The following SRRM4 variants were observed in gnomAD, a reference collection of about 807,000 sequenced individuals.
SRRM4 encodes serine/arginine repetitive matrix 4.
In SRRM4, 33 loss-of-function variants were observed where a neutral mutation model predicts 68.9. That is an observed-to-expected ratio of 0.48 (90% confidence interval 0.36 to 0.64). SRRM4 has a LOEUF of 0.64. Among genes scored for constraint, SRRM4 ranks in the 30% least tolerant of loss-of-function variants. The probability of loss-of-function intolerance (pLI) is 0.00; values close to 1 mark genes in which losing one functional copy is unlikely to be tolerated. For synonymous variants in SRRM4, 318 were observed against 318.8 expected (o/e 1.00, Z 0.03); for missense variants, 817 against 827.1 (o/e 0.99, Z 0.15).
chr12:119,123,903 C>T (rs1362498010), intron 6 of SRRM4, among the ~76,000 whole-genome samples: 2 of 152,240 alleles, frequency 1.3e-5, no homozygotes, highest in African/African-American at 4.8e-5. Flanking sequence ...CACAGAACAG[C>T]AGACGAAACC....
rs1555212607 is a variant in SRRM4 at position 118,982,673 on chromosome 12, T to TTA, written c.131+661_131+662insAT. On this transcript the variant is annotated intron_variant, in intron 1 of 12. Coordinates refer to ENST00000267260, the MANE Select transcript of SRRM4 (RefSeq NM_194286.4). ...ATCTTGGAAGAGTTTTATTTTGTTT[T>TTA]TTTTTGTTTTTTTTTTTTTTTTCCA... 1.4e-4 allele frequency among the ~76,000 whole-genome samples: 11 copies of TTA among 78,208 alleles called. No individual in the cohort carries two copies. In the East Asian group the frequency reaches 3.1e-3, roughly 22 times the overall value. The allele number at this position is 78,208 out of a possible 152,430, so 51.3% of individuals were successfully genotyped here.
intron 7 of SRRM4, among the ~76,000 whole-genome samples, chr12:119,129,707 T>C (rs565493191): frequency 3.3e-5 from 5 of 152,284 alleles, no homozygotes; most frequent in South Asian, 4.2e-4. Context: ...TCCAGGTACA[T>C]GAAGTAGTAT....
chr12:119,116,588 C>A (rs574781219), intron 3 of SRRM4, among the ~76,000 whole-genome samples: 2 of 152,026 alleles, frequency 1.3e-5, no homozygotes, highest in Non-Finnish European at 2.9e-5. Context: ...GTCTTTAGGC[C>A]GGTCACTTCA....
intron 3 of SRRM4, 54 bp from the exon 4 acceptor site, chr12:119,116,883 C>G: frequency 6.5e-7 from 1 of 1,547,162 alleles, no homozygotes; most frequent in Non-Finnish European, 8.9e-7. Context: ...TTTTTGAAAC[C>G]AACCTTGGCC....
At chr12:119,073,619 C>CCG (rs1953891808) in intron 1 of SRRM4, among the ~76,000 whole-genome samples, 2 of 151,794 alleles carry the variant, frequency 1.3e-5, no homozygotes, top group South Asian at 4.2e-4. Context: ...GCCATGGCAC[C>CCG]CGGCCTCTCT....
intron 1 of SRRM4, among the ~76,000 whole-genome samples, chr12:119,059,263 C>T (rs1379709970): frequency 3.4e-5 from 5 of 148,250 alleles, no homozygotes; most frequent in Non-Finnish European, 5.9e-5. Context: ...TGCTTTTATT[C>T]ATTCATTCAT....
At chr12:119,013,438 A>G (rs574592291) in intron 1 of SRRM4, among the ~76,000 whole-genome samples, 1 of 152,358 alleles carries the variant, frequency 6.6e-6, no homozygotes, top group African/African-American at 2.4e-5. Flanking sequence ...TAAAAGTTAC[A>G]CATGACAATG....
chr12:119,002,284 C>T (rs190921666), intron 1 of SRRM4, among the ~76,000 whole-genome samples: 30 of 152,104 alleles, frequency 2.0e-4, no homozygotes, highest in Admixed American at 1.2e-3. Context: ...CCTGCTCTGA[C>T]GGTTTTTTTC....
chr12:119,083,024 A>C (rs1428056906), intron 1 of SRRM4, among the ~76,000 whole-genome samples: 1 of 152,156 alleles, frequency 6.6e-6, no homozygotes, highest in Non-Finnish European at 1.5e-5. Flanking sequence ...AGGGGAGTGA[A>C]GTCTGGTGTT....
In SRRM4 at chr12:118,982,669, GTTTTTTTTTGTT is replaced by G. The variant is rs1160467633; in HGVS notation, c.131+666_131+677del. On this transcript the variant is annotated intron_variant, in intron 1 of 12. Transcript: ENST00000267260. ...GATGATCTTGGAAGAGTTTTATTTT[GTTTTTTTTTGTT>G]TTTTTTTTTTTTTTCCAAAAAGAAT... Among the ~76,000 whole-genome samples the G allele has an allele frequency of 1.9e-4, 22 of 115,726 alleles. No individual in the cohort carries two copies. The Admixed American group carries it at 2.0e-3, about 11-fold the overall frequency. The allele number at this position is 115,726 out of a possible 152,430, so 75.9% of individuals were successfully genotyped here. A position where few individuals can be genotyped will look rare whatever the true frequency, so the allele number is the denominator to read the frequency against.
chr12:119,112,312 G>A (rs115651137), intron 2 of SRRM4, among the ~76,000 whole-genome samples: 11,696 of 152,192 alleles, frequency 0.077, 490 homozygotes, highest in Admixed American at 0.1. Flanking sequence ...AGATGCTGGT[G>A]AGGTTGTACA....
Position 119,150,677 on chromosome 12 carries a change from A to C in SRRM4, c.1077-340A>C, listed in dbSNP as rs140408022. 2.6e-4 allele frequency among the ~76,000 whole-genome samples: 39 copies of C among 152,282 alleles called. No individual in the cohort carries two copies. The East Asian group carries it at 4.3e-3, about 17-fold the overall frequency. Reference sequence around the variant, plus strand: ...TTAATGTAATCAGAAGGACAGAAAAAGACTAGACAGGGAATAAATTTCTCA... The same window carrying C: ...TTAATGTAATCAGAAGGACAGAAAACGACTAGACAGGGAATAAATTTCTCA... On this transcript the variant is annotated intron_variant, in intron 9 of 12. Transcript: ENST00000267260.
chr12:119,125,509 T>A (rs1446732225), intron 7 of SRRM4, 30 bp downstream of exon 7: 8 of 1,595,194 alleles, frequency 5.0e-6, no homozygotes, highest in Non-Finnish European at 6.9e-6. Flanking sequence ...TCCTCTTCTG[T>A]CAGCCACAGC....
In SRRM4 at chr12:119,049,749, G is replaced by A. The variant is rs539891129; in HGVS notation, c.132-52487G>A. 7.2e-4 allele frequency among the ~76,000 whole-genome samples: 110 copies of A among 152,280 alleles called. 3 individuals are homozygous for A. The highest frequency in any genetic ancestry group is 3.4e-3 in the Middle Eastern group (1 of 294). On this transcript the variant is annotated intron_variant, in intron 1 of 12. Coordinates refer to ENST00000267260, the MANE Select transcript of SRRM4 (RefSeq NM_194286.4). Reference sequence around the variant, plus strand: ...AAGTTCAAGATCAAGGTGTCAGCAGGTTTGGTTTCTTCTGAGGTCTCTCTC... The same window carrying A: ...AAGTTCAAGATCAAGGTGTCAGCAGATTTGGTTTCTTCTGAGGTCTCTCTC...
chr12:119,002,285 G>A (rs940594444), intron 1 of SRRM4, among the ~76,000 whole-genome samples: 5 of 152,120 alleles, frequency 3.3e-5, no homozygotes, highest in East Asian at 3.9e-4. Flanking sequence ...CTGCTCTGAC[G>A]GTTTTTTTCC....
chr12:118,996,253 A>G (rs1022251793), intron 1 of SRRM4, among the ~76,000 whole-genome samples: 2 of 152,198 alleles, frequency 1.3e-5, no homozygotes, highest in African/African-American at 4.8e-5. Flanking sequence ...TGTGGGTCCA[A>G]AGAATCACAG....
chr12:119,089,878 T>C (rs1409948050), intron 1 of SRRM4, among the ~76,000 whole-genome samples: 2 of 152,236 alleles, frequency 1.3e-5, no homozygotes, highest in Non-Finnish European at 2.9e-5. Context: ...CAGGGAAATA[T>C]GCATTTTATA....
At chr12:119,013,662 A>G (rs1380475085) in intron 1 of SRRM4, among the ~76,000 whole-genome samples, 1 of 152,160 alleles carries the variant, frequency 6.6e-6, no homozygotes, top group Non-Finnish European at 1.5e-5. Context: ...CTGCATTTAG[A>G]ACTACCCTGT....
At chr12:119,002,047 A>G (rs1594021460) in intron 1 of SRRM4, among the ~76,000 whole-genome samples, 2 of 150,922 alleles carry the variant, frequency 1.3e-5, no homozygotes. Flanking sequence ...TCTGATTTTG[A>G]TTCCAGGTCT....
Sources: allele counts gnomAD v4.1 joint callset (sites outside exome capture counted in the v4.1 genomes callset), GRCh38; gene constraint gnomAD v4.1.1; transcripts MANE v1.5; gene names NCBI Gene and HGNC (gene_info 2026-07-23, HGNC 2026-07-21).